The following HHLA1 variants were observed in gnomAD, a reference collection of about 807,000 sequenced individuals.
HHLA1 encodes HERV-H LTR-associating protein 1.
HHLA1 carries 72 observed loss-of-function variants against 69.9 expected under a neutral mutation model. That is an observed-to-expected ratio of 1.03 (90% confidence interval 0.85 to 1.25). The LOEUF is 1.25. HHLA1 is among the 50% of genes most tolerant of loss of function. HHLA1 has a pLI of 0.00. For missense variants in HHLA1, 685 were observed against 642.2 expected (o/e 1.07, Z -0.72); for synonymous variants, 252 against 233.2 (o/e 1.08, Z -0.73).
chr8:132,095,734 GGCGAAGGAACTGTAGGAA>G lies in HHLA1; in HGVS notation c.315_332del (p.Ser106_Ala111del). ...AAACAGCTACAGAAAACTTGTGGAA[GGCGAAGGAACTGTAGGAA>G]GTGACACTCAGCAAGGAGAAGAACT... On this transcript the variant is annotated inframe_deletion, in exon 6 of 17. Transcript: ENST00000414222. 6.4e-7 allele frequency: 1 copy of G among 1,551,326 alleles called. No homozygotes were observed. The highest frequency in any genetic ancestry group is 8.7e-7 in the Non-Finnish European group (1 of 1,146,866).
At position 132,064,506 on chromosome 8, in the gene HHLA1, C is replaced by T. The variant is rs182119098; in HGVS notation, c.1553-468G>A. Among the ~76,000 whole-genome samples, 317 of 152,276 alleles carry T rather than the reference C, an allele frequency of 2.1e-3. 1 individual carries two copies. The highest frequency in any genetic ancestry group is 3.2e-3 in the Non-Finnish European group (221 of 68,034). ...GATTTCTATCTTTGATTTCTGACCA[C>T]CCCACCCCCACTCCTAATGCCTATA... On this transcript the variant is annotated intron_variant, in intron 16 of 16. Coordinates refer to ENST00000414222, the MANE Select transcript of HHLA1 (RefSeq NM_001145095.3).
At position 132,105,182 on chromosome 8, in the gene HHLA1, C is replaced by A. The variant is rs1485362535; in HGVS notation, c.79+5G>T. The A allele has an allele frequency of 4.5e-6, 7 of 1,549,782 alleles. No homozygotes were observed. Among genetic ancestry groups the A allele is most frequent in the Non-Finnish European group, 6.1e-6 (7 of 1,145,022 alleles). ...AGACACTTGCAGAACTCCAGCTAGA[C>A]CCACCTGTGTTCCAAAGGGACAAGA... On this transcript the variant is annotated splice_donor_5th_base_variant and intron_variant, in intron 2 of 16. Transcript: ENST00000414222.
chr8:132,079,768 G>A lies in HHLA1; in HGVS notation c.875C>T (p.Ala292Val). Residue 292 changes from alanine to valine, a missense_variant, in exon 11 of 17, where the codon GCC becomes GTC. Ala to Val is a moderately conservative substitution (Grantham distance 64). Coordinates refer to ENST00000414222, the MANE Select transcript of HHLA1 (RefSeq NM_001145095.3). The part of the protein sequence containing the change: ...LNTGRPPELP[A>V]RATATWFSAS... ...ACTGAACCATGTGGCTGTGGCCCTG[G>A]CTGGAAGCTCAGGAGGCCTGCCTGT... 1 of 1,551,664 alleles carries A rather than the reference G, an allele frequency of 6.4e-7. No homozygotes were observed. Among genetic ancestry groups the A allele is most frequent in the Non-Finnish European group, 8.7e-7 (1 of 1,146,962 alleles).
rs374886882 is a variant in HHLA1, at chr8:132,087,844, C to T, written c.589+1G>A. On this transcript the variant is annotated splice_donor_variant, in intron 9 of 16. Coordinates refer to ENST00000414222, the MANE Select transcript of HHLA1 (RefSeq NM_001145095.3). LOFTEE classifies it high-confidence loss of function. ...TTGTCAAAGAATGTCTAGTGGTTTA[C>T]CTGACTTTCCTGTCATCACACAGAT... The T allele has an allele frequency of 3.2e-6, 5 of 1,551,130 alleles. No homozygotes were observed. The highest frequency in any genetic ancestry group is 2.0e-5 in the Admixed American group (1 of 50,986).
chr8:132,062,665 A>G lies in HHLA1; in HGVS notation c.*1330T>C, dbSNP rs1220195743. The stretch of plus-strand genomic sequence containing the variant: ...CTCTACGTGGAGACTCAGCATAGAT[A>G]GGGATACTGGAGCAACCGCAAACCT... On this transcript the variant is annotated 3_prime_UTR_variant, in exon 17 of 17. Transcript: ENST00000414222. The G allele has an allele frequency of 6.6e-6, 1 of 152,262 alleles. No individual in the cohort carries two copies. Among genetic ancestry groups the G allele is most frequent in the Non-Finnish European group, 1.5e-5 (1 of 68,064 alleles). The allele number at this position is 152,262 out of a possible 1,614,324, so 9.4% of individuals were successfully genotyped here.
At position 132,070,512 on chromosome 8, in the gene HHLA1, A is replaced by G. The variant is rs1163717023; in HGVS notation, c.1469+828T>C. The G allele has an allele frequency of 4.8e-6, 3 of 626,852 alleles. No individual in the cohort carries two copies. The African/African-American group carries it at 5.5e-5, about 12-fold the overall frequency. The allele number at this position is 626,852 out of a possible 1,614,324, so 38.8% of individuals were successfully genotyped here. A position where few individuals can be genotyped will look rare whatever the true frequency, so the allele number is the denominator to read the frequency against. Reference sequence around the variant, plus strand: ...CTGCCATAATTCTACTTAACATGACACAAGTTAACTTAACTCAACACAACA... The same window carrying G: ...CTGCCATAATTCTACTTAACATGACGCAAGTTAACTTAACTCAACACAACA... On this transcript the variant is annotated intron_variant, in intron 15 of 16. Transcript: ENST00000414222.
Position 132,062,745 on chromosome 8 carries a change from G to A in HHLA1, c.*1250C>T, listed in dbSNP as rs373632033. 1 of 152,226 alleles carries A rather than the reference G, an allele frequency of 6.6e-6. No homozygotes were observed. Among genetic ancestry groups the A allele is most frequent in the East Asian group, 1.9e-4 (1 of 5,192 alleles). 9.4% of individuals were successfully genotyped at this position (152,226 alleles called of 1,614,324 possible). On this transcript the variant is annotated 3_prime_UTR_variant, in exon 17 of 17. Transcript: ENST00000414222. ...TGAAGGTGGCAAATCAGTATGTGGG[G>A]ATGCAGAAGAAAGTTGACTCCACAG...
intron 12 of HHLA1, among the ~76,000 whole-genome samples, chr8:132,076,921 T>C (rs547804744): frequency 6.6e-6 from 1 of 152,208 alleles, no homozygotes; most frequent in African/African-American, 2.4e-5. Context: ...AGTGTACACC[T>C]TGATCCATCC....
In HHLA1 at chr8:132,082,166, G is replaced by A. The variant is rs138130925; in HGVS notation, c.677-2200C>T. ...AATTGTGGGAGACTCAACAAAGAGT[G>A]AGTATAGCTGAAGGAGCCAGGAAGC... On this transcript the variant is annotated intron_variant, in intron 10 of 16. Coordinates refer to ENST00000414222, the MANE Select transcript of HHLA1 (RefSeq NM_001145095.3). Among the ~76,000 whole-genome samples the A allele has an allele frequency of 1.2e-3, 183 of 152,318 alleles. 2 individuals carry two copies. In the East Asian group the frequency reaches 0.033, roughly 27 times the overall value.
chr8:132,073,458 T>C (rs188301611), intron 14 of HHLA1, among the ~76,000 whole-genome samples: 3 of 152,354 alleles, frequency 2.0e-5, no homozygotes, highest in Admixed American at 1.3e-4. Flanking sequence ...AGTTGCTATG[T>C]ATCAGGCACT....
Position 132,095,533 on chromosome 8 carries a change from G to C in HHLA1, c.434C>G (p.Thr145Ser). 1 of 1,548,784 alleles carries C rather than the reference G, an allele frequency of 6.5e-7. No individual in the cohort carries two copies. The highest frequency in any genetic ancestry group is 8.7e-7 in the Non-Finnish European group (1 of 1,144,266). ...TRYCYCLNNR[T>S]NDLSDFTALL... ...GCTGTACCCACCTGATAAGTCATTG[G>C]TCCGATTGTTTAAACAGTAGCAATA... is the stretch of plus-strand genomic sequence containing the variant. The change falls in exon 7 of 17, where the codon ACC (threonine) becomes AGC (serine). Residue 145 changes from threonine (T) to serine (S), a missense_variant. By Grantham distance (58) the Thr-to-Ser change is moderately conservative. Coordinates refer to ENST00000414222, the MANE Select transcript of HHLA1 (RefSeq NM_001145095.3).
chr8:132,065,394 G>T (rs1434237772), intron 16 of HHLA1, among the ~76,000 whole-genome samples: 1 of 152,124 alleles, frequency 6.6e-6, no homozygotes, highest in Non-Finnish European at 1.5e-5. Flanking sequence ...CCATTCTCCT[G>T]CCTCAGCCTC....
At chr8:132,098,840 A>G in intron 5 of HHLA1, 42 bp downstream of exon 5, 2 of 1,230,864 alleles carry the variant, frequency 1.6e-6, no homozygotes, top group Non-Finnish European at 2.3e-6. Context: ...CTGGTACAAG[A>G]AAAAAAAATG....
At chr8:132,078,233 C>A (rs543370074) in intron 11 of HHLA1, among the ~76,000 whole-genome samples, 2 of 151,626 alleles carry the variant, frequency 1.3e-5, no homozygotes, top group African/African-American at 4.8e-5. Flanking sequence ...CTCTAGGACC[C>A]CAGGCGTGTG....
chr8:132,090,385 G>A (rs1400809295), intron 7 of HHLA1, among the ~76,000 whole-genome samples: 2 of 152,168 alleles, frequency 1.3e-5, no homozygotes, highest in African/African-American at 4.8e-5. Flanking sequence ...TGTGTTTGAG[G>A]AGCCCCAGTC....
intron 10 of HHLA1, among the ~76,000 whole-genome samples, chr8:132,081,306 T>C (rs141437446): frequency 6.6e-6 from 1 of 152,224 alleles, no homozygotes; most frequent in East Asian, 1.9e-4. Context: ...ATGAGAAGCA[T>C]CTATACAGGA....
intron 10 of HHLA1, chr8:132,080,251 T>A (rs1159691055): frequency 6.4e-6 from 3 of 466,482 alleles, no homozygotes; most frequent in Non-Finnish European, 1.2e-5. Context: ...TGTGCGTCCG[T>A]GTGAAGAGAC....
chr8:132,103,603 G>C (rs1030438714), intron 3 of HHLA1, among the ~76,000 whole-genome samples: 2 of 151,880 alleles, frequency 1.3e-5, no homozygotes, highest in Non-Finnish European at 2.9e-5. Flanking sequence ...GGGTGACAGA[G>C]TAAGACCCCA....
intron 15 of HHLA1, among the ~76,000 whole-genome samples, chr8:132,068,053 A>G (rs11985962): frequency 0.014 from 2,131 of 152,338 alleles, 38 homozygotes; most frequent in African/African-American, 0.044. Flanking sequence ...TTACAACAGC[A>G]ACAAAACTTC....
Sources: allele counts gnomAD v4.1 joint callset (sites outside exome capture counted in the v4.1 genomes callset), GRCh38; gene constraint gnomAD v4.1.1; transcripts MANE v1.5; gene names NCBI Gene and HGNC (gene_info 2026-07-23, HGNC 2026-07-21).